MCTP2: variants seen among roughly 807,000 people sequenced by gnomAD.
MCTP2 encodes the protein multiple C2 and transmembrane domain containing 2, also known as multiple C2 and transmembrane domain-containing protein 2.
In MCTP2, 132 loss-of-function variants were observed where a neutral mutation model predicts 111.6. The observed-to-expected ratio is 1.18, with a 90% CI of 1.03 to 1.37. The LOEUF is 1.37. Among genes scored for constraint, MCTP2 ranks in the 40% most tolerant of loss-of-function variants. The pLI, the probability that MCTP2 is intolerant of heterozygous loss-of-function variation, is 0.00. For synonymous variants in MCTP2, 395 were observed against 387.7 expected (o/e 1.02, Z -0.22); for missense variants, 1,183 against 1,067.9 (o/e 1.11, Z -1.50).
rs113491116 is a variant in MCTP2, at chr15:94,303,191, A to G, written c.465+4461A>G. ...CAGAACTAATGGAATATATATATAT[A>G]TGTTTATTAAATATTATCTCACATG... On this transcript the variant is annotated intron_variant, in intron 2 of 22. Coordinates refer to ENST00000357742, the MANE Select transcript of MCTP2 (RefSeq NM_001385001.1). Among the ~76,000 whole-genome samples, 1,274 of 149,302 alleles carry G rather than the reference A, an allele frequency of 8.5e-3. 22 individuals are homozygous for G. The highest frequency in any genetic ancestry group is 0.028 in the African/African-American group (1,123 of 40,756).
At chr15:94,247,524 T>C (rs897836094) in intron 1 of MCTP2, among the ~76,000 whole-genome samples, 4 of 152,098 alleles carry the variant, frequency 2.6e-5, no homozygotes, top group Non-Finnish European at 2.9e-5. Context: ...ATTGTCAACC[T>C]GTTGATGGTG....
chr15:94,281,365 G>GA (rs751287762), intron 1 of MCTP2, among the ~76,000 whole-genome samples: 1 of 151,800 alleles, frequency 6.6e-6, no homozygotes. Context: ...GTTTTGTCTG[G>GA]AAAAAAATAG....
At chr15:94,442,802 C>T in intron 18 of MCTP2, 117 bp from the exon 19 acceptor site, 1 of 794,814 alleles carries the variant, frequency 1.3e-6, no homozygotes, top group South Asian at 1.5e-5. Context: ...GGTTGTAATG[C>T]ATTTCAAAAA....
Position 94,314,338 on chromosome 15 carries a change from A to G in MCTP2, c.522A>G (p.Glu174=). ...CTATGACATCTCAACATTTTGAAGA[A>G]CAATCTGTGAGTGGCATTCCTTAAA... is the stretch of plus-strand genomic sequence containing the variant. ...NASMTSQHFE[E]QSVPGEASDG... Residue 174 remains glutamate (E), a synonymous_variant, in exon 3 of 23, where the codon GAA becomes GAG. Transcript: ENST00000357742. 1 of 1,602,050 alleles carries G rather than the reference A, an allele frequency of 6.2e-7. No homozygotes were observed.
rs1383113970 is a variant in MCTP2, at chr15:94,480,278, AAAAGTT to A, written c.*1247_*1252del. 6.6e-6 allele frequency: 1 copy of A among 152,222 alleles called. No homozygotes were observed. The highest frequency in any genetic ancestry group is 2.4e-5 in the African/African-American group (1 of 41,448). The allele number at this position is 152,222 out of a possible 1,614,324, so 9.4% of individuals were successfully genotyped here. ...TTTTTATGTATGTATGTATTATAAAAAAAGTTAAGGTTAAAAAGATCTCATTTAATA... is the reference window on the plus strand; with the variant it reads ...TTTTTATGTATGTATGTATTATAAAAAAGGTTAAAAAGATCTCATTTAATA... On this transcript the variant is annotated 3_prime_UTR_variant, in exon 23 of 23. Transcript: ENST00000357742.
At chr15:94,386,130 C>T (rs986813051) in intron 14 of MCTP2, among the ~76,000 whole-genome samples, 1 of 151,948 alleles carries the variant, frequency 6.6e-6, no homozygotes, top group African/African-American at 2.4e-5. Flanking sequence ...AAAATACTTA[C>T]AAAATTCAGA....
chr15:94,406,735 T>C (rs977882922), intron 17 of MCTP2, among the ~76,000 whole-genome samples: 1 of 152,210 alleles, frequency 6.6e-6, no homozygotes, highest in Admixed American at 6.5e-5. Context: ...ACAGTCTGAC[T>C]TGTTTTTCCC....
chr15:94,294,929 T>C (rs1019789564), intron 1 of MCTP2, among the ~76,000 whole-genome samples: 1 of 147,096 alleles, frequency 6.8e-6, no homozygotes, highest in African/African-American at 2.5e-5. Flanking sequence ...TCTTTATTTT[T>C]CTTTTCTTTT....
intron 4 of MCTP2, among the ~76,000 whole-genome samples, chr15:94,321,472 A>T (rs2076626819): frequency 6.6e-6 from 1 of 152,216 alleles, no homozygotes; most frequent in South Asian, 2.1e-4. Context: ...TACATTTAGA[A>T]AATAGGCAAT....
intron 4 of MCTP2, among the ~76,000 whole-genome samples, chr15:94,322,741 G>A (rs74326723): frequency 0.011 from 1,689 of 152,256 alleles, 31 homozygotes; most frequent in African/African-American, 0.038. Flanking sequence ...TTGGAAATAC[G>A]ACATGAAATC....
At chr15:94,455,994 C>T (rs1227412206) in intron 19 of MCTP2, among the ~76,000 whole-genome samples, 1 of 151,928 alleles carries the variant, frequency 6.6e-6, no homozygotes, top group South Asian at 2.1e-4. Context: ...TATTTTAATG[C>T]ACAAAAATCT....
chr15:94,432,216 T>A (rs780503719), intron 17 of MCTP2, among the ~76,000 whole-genome samples: 1 of 152,168 alleles, frequency 6.6e-6, no homozygotes, highest in Non-Finnish European at 1.5e-5. Flanking sequence ...ATGTTGGGCC[T>A]ATCTATTCTT....
intron 11 of MCTP2, among the ~76,000 whole-genome samples, chr15:94,369,077 G>T (rs1277170703): frequency 6.6e-6 from 1 of 152,152 alleles, no homozygotes; most frequent in African/African-American, 2.4e-5. Context: ...CTTCTAAATT[G>T]TAAAAGCATT....
rs139832450 is a variant in MCTP2, at chr15:94,374,919, A to G, written c.1582+4739A>G. On this transcript the variant is annotated intron_variant, in intron 12 of 22. Coordinates refer to ENST00000357742, the MANE Select transcript of MCTP2 (RefSeq NM_001385001.1). ...ATAACAGCACAACAGAAAATGCAGT[A>G]TAGGCTTCAATATCCTCTCTTTTTA... is the stretch of plus-strand genomic sequence containing the variant. Among the ~76,000 whole-genome samples, 3 of 152,352 alleles carry G rather than the reference A, an allele frequency of 2.0e-5. No individual in the cohort carries two copies. In the East Asian group the frequency reaches 5.8e-4, roughly 29 times the overall value.
intron 4 of MCTP2, among the ~76,000 whole-genome samples, chr15:94,333,533 C>A (rs1000587365): frequency 4.6e-5 from 7 of 151,972 alleles, no homozygotes; most frequent in Middle Eastern, 6.8e-3. Context: ...TTGAGCTGTT[C>A]AATGTGATAT....
intron 19 of MCTP2, among the ~76,000 whole-genome samples, chr15:94,456,402 A>G (rs2084839077): frequency 6.6e-6 from 1 of 152,220 alleles, no homozygotes; most frequent in Non-Finnish European, 1.5e-5. Context: ...TTTCCAAGAA[A>G]TTGTTTTGAC....
Position 94,376,425 on chromosome 15 carries a change from T to C in MCTP2, c.1582+6245T>C, listed in dbSNP as rs201783656. ...CCTATGTCTAATGACATGGGAGATA[T>C]ACAGAAGCAGAGACCCATGTGTTAA... On this transcript the variant is annotated intron_variant, in intron 12 of 22. Transcript: ENST00000357742. 3.3e-5 allele frequency among the ~76,000 whole-genome samples: 5 copies of C among 152,330 alleles called. No homozygotes were observed. The East Asian group carries it at 7.7e-4, about 23-fold the overall frequency.
At position 94,245,149 on chromosome 15, in the gene MCTP2, CAT is replaced by C. The variant is rs370152832; in HGVS notation, c.-66+13486_-66+13487del. Among the ~76,000 whole-genome samples the C allele has an allele frequency of 6.8e-4, 100 of 147,258 alleles. 2 individuals are homozygous for C. The East Asian group carries it at 9.1e-3, about 13-fold the overall frequency. ...ACACATGTGTATATATTTATACACA[CAT>C]GTTTGTATATTTATACACATGTATA... On this transcript the variant is annotated intron_variant, in intron 1 of 22. Coordinates refer to ENST00000357742, the MANE Select transcript of MCTP2 (RefSeq NM_001385001.1).
At chr15:94,276,229 G>C (rs547781089) in intron 1 of MCTP2, among the ~76,000 whole-genome samples, 59 of 152,044 alleles carry the variant, frequency 3.9e-4, no homozygotes, top group African/African-American at 1.4e-3. Flanking sequence ...AAATAATAGG[G>C]ACATATTCAT....
Sources: gnomAD v4.1 joint callset for allele counts (sites outside exome capture counted in the v4.1 genomes callset) on GRCh38, gnomAD v4.1.1 for gene constraint, MANE v1.5 for transcripts, NCBI Gene and HGNC (gene_info 2026-07-23, HGNC 2026-07-21) for gene names.